L1CAM: variants seen among roughly 807,000 people sequenced by gnomAD.
L1CAM encodes the protein neural cell adhesion molecule L1.
In L1CAM, 8 loss-of-function variants were observed where a neutral mutation model predicts 93.0. The ratio of observed to expected loss-of-function variants is 0.09; its 90% confidence interval spans 0.05 to 0.16. The LOEUF (loss-of-function observed/expected upper bound fraction) is 0.16. L1CAM is among the 10% of genes least tolerant of loss of function. The pLI is 1.00. For missense variants in L1CAM, 777 were observed against 1,073.4 expected (o/e 0.72, Z 3.86); for synonymous variants, 453 against 453.0 (o/e 1.00, Z 0.00).
At chrX:153,878,943 C>A (rs897518329) in intron 1 of L1CAM, among the ~76,000 whole-genome samples, 1 of 111,178 alleles carries the variant, frequency 9.0e-6, no homozygotes, top group African/African-American at 3.3e-5. Context: ...AGCTTGCCAC[C>A]GCCCTGGGCA....
chrX:153,870,353 C>G (rs1557092693), intron 8 of L1CAM, 35 bp downstream of exon 8: 1 of 1,179,097 alleles, frequency 8.5e-7, no homozygotes, highest in South Asian at 1.8e-5. Context: ...CGCCACCCTG[C>G]CCTGCCCTGC....
At chrX:153,870,719 C>T (rs1437074735) in intron 7 of L1CAM, 71 bp downstream of exon 7, 6 of 1,076,170 alleles carry the variant, frequency 5.6e-6, no homozygotes, top group South Asian at 1.9e-5. Context: ...GTCAGATGGA[C>T]CTATGGTGGG....
chrX:153,884,460 T>C, intron 1 of L1CAM: 1 of 244,708 alleles, frequency 4.1e-6, no homozygotes, highest in Non-Finnish European at 7.7e-6. Flanking sequence ...ATCAGATCAC[T>C]AGCGATTCTT....
At chrX:153,879,770 G>C (rs1183756619) in intron 1 of L1CAM, among the ~76,000 whole-genome samples, 1 of 108,159 alleles carries the variant, frequency 9.2e-6, no homozygotes, top group Non-Finnish European at 1.9e-5. Flanking sequence ...GGGGATTCCT[G>C]CTGCGGGTAG....
chrX:153,870,316 G>A (rs1315511169), intron 8 of L1CAM, 72 bp downstream of exon 8: 7 of 1,171,688 alleles, frequency 6.0e-6, no homozygotes, highest in Admixed American at 4.4e-5. Flanking sequence ...TATACCCCGC[G>A]GTGGTCTGAG....
At chrX:153,882,569 A>G (rs1557095911) in intron 1 of L1CAM, among the ~76,000 whole-genome samples, 1 of 108,670 alleles carries the variant, frequency 9.2e-6, no homozygotes, top group Non-Finnish European at 1.9e-5. Context: ...AACCCCATAC[A>G]TGCAGATAGG....
At chrX:153,872,015 G>A in intron 5 of L1CAM, 137 bp downstream of exon 5, 1 of 515,062 alleles carries the variant, frequency 1.9e-6, no homozygotes, top group South Asian at 2.7e-5. Flanking sequence ...GGCCAGGGGA[G>A]AAGCTGGGGT....
intron 12 of L1CAM, 55 bp from the exon 13 acceptor site, chrX:153,868,782 TC>T (rs1250454300): frequency 1.0e-5 from 12 of 1,195,888 alleles, no homozygotes; most frequent in South Asian, 1.8e-5. Context: ...CTCCCTGCCC[TC>T]CCTGGCTCCC....
Position 153,872,579 on chromosome X carries a change from A to C in L1CAM, c.197+13T>G. 1 of 1,173,526 alleles carries C rather than the reference A, an allele frequency of 8.5e-7. No individual in the cohort carries two copies. Among genetic ancestry groups the C allele is most frequent in the Non-Finnish European group, 1.2e-6 (1 of 860,596 alleles). ...GGCAGGCAACAGGGGCTGAGACGGC[A>C]GAGATCACTCACTGCACTTCGGGCT... On this transcript the variant is annotated intron_variant, in intron 4 of 28. Coordinates refer to ENST00000370060, the MANE Select transcript of L1CAM (RefSeq NM_001278116.2).
intron 19 of L1CAM, among the ~76,000 whole-genome samples, chrX:153,866,182 G>A (rs941044264): frequency 3.7e-5 from 4 of 109,239 alleles, no homozygotes; most frequent in African/African-American, 1.0e-4. Flanking sequence ...GTGTGGTGGC[G>A]CGTGCCTGTA....
chrX:153,867,387 C>T lies in L1CAM; in HGVS notation c.2106G>A (p.Pro702=), dbSNP rs200561489. 47 of 1,208,385 alleles carry T rather than the reference C, an allele frequency of 3.9e-5. No homozygotes were observed. Among genetic ancestry groups the T allele is most frequent in the Non-Finnish European group, 4.5e-5 (40 of 894,542 alleles). ...INKYGPGEPS[P]VSETVVTPEA... Reference sequence around the variant, plus strand: ...CAGGTGTGACCACAGTCTCAGAGACCGGGCTGGGCTCCCCGGGGCCATATT... The same window carrying T: ...CAGGTGTGACCACAGTCTCAGAGACTGGGCTGGGCTCCCCGGGGCCATATT... The change falls in exon 17 of 29, where the codon CCG becomes CCA. Residue 702 remains proline, a synonymous_variant. Transcript: ENST00000370060.
chrX:153,863,313 A>G, intron 28 of L1CAM, 55 bp downstream of exon 28: 1 of 1,165,224 alleles, frequency 8.6e-7, no homozygotes, highest in Non-Finnish European at 1.2e-6. Context: ...CACCAGGCGC[A>G]CATTGTCTAT....
At position 153,867,519 on chromosome X, in the gene L1CAM, C is replaced by T. The variant is rs199702463; in HGVS notation, c.1974G>A (p.Ala658=). The change falls in exon 17 of 29, where the codon GCG becomes GCA. Residue 658 remains alanine, a synonymous_variant. Coordinates refer to ENST00000370060, the MANE Select transcript of L1CAM (RefSeq NM_001278116.2). ...TGCCCAGACTGTACCATTTTTCAGGCGCCATTTCCTTGTCCTCAAATTCAA... is the reference window on the plus strand; with the variant it reads ...TGCCCAGACTGTACCATTTTTCAGGTGCCATTTCCTTGTCCTCAAATTCAA... The part of the protein sequence containing the change: ...YDIEFEDKEM[A]PEKWYSLGKV... 1.9e-5 allele frequency: 23 copies of T among 1,209,652 alleles called. No individual in the cohort carries two copies. In the African/African-American group the frequency reaches 2.1e-4, roughly 11 times the overall value.
At chrX:153,882,744 C>A (rs1557095956) in intron 1 of L1CAM, among the ~76,000 whole-genome samples, 2 of 111,308 alleles carry the variant, frequency 1.8e-5, no homozygotes, top group Non-Finnish European at 3.8e-5. Context: ...CCACCCAACC[C>A]CTGGCCCTCG....
At chrX:153,869,977 C>A in intron 9 of L1CAM, 43 bp from the exon 10 acceptor site, 2 of 1,210,072 alleles carry the variant, frequency 1.7e-6, no homozygotes, top group Non-Finnish European at 2.2e-6. Context: ...CAGCCAGCAG[C>A]TGGCTCTTGA....
intron 4 of L1CAM, 60 bp from the exon 5 acceptor site, chrX:153,872,414 G>A (rs1354157145): frequency 1.8e-6 from 2 of 1,108,917 alleles, no homozygotes; most frequent in Non-Finnish European, 2.5e-6. Flanking sequence ...GGCTGGAACA[G>A]GCTGGAGGGA....
chrX:153,868,370 G>A lies in L1CAM; in HGVS notation c.1635C>T (p.Pro545=), dbSNP rs1557091792. 2 of 1,211,824 alleles carry A rather than the reference G, an allele frequency of 1.7e-6. No individual in the cohort carries two copies. The highest frequency in any genetic ancestry group is 2.2e-6 in the Non-Finnish European group (2 of 895,422). The change falls in exon 14 of 29, where the codon CCC becomes CCT. Residue 545 remains proline (P), a synonymous_variant. Coordinates refer to ENST00000370060, the MANE Select transcript of L1CAM (RefSeq NM_001278116.2). ...VTFTCQASFD[P]SLQPSITWRG... is the part of the protein sequence containing the mutation. ...GCCAGGTGATGCTGGGCTGCAAGGA[G>A]GGGTCAAAGGAGGCCTGGCACGTGA...
chrX:153,870,522 T>G, intron 7 of L1CAM, 23 bp from the exon 8 acceptor site: 1 of 1,134,622 alleles, frequency 8.8e-7, no homozygotes, highest in Non-Finnish European at 1.2e-6. Flanking sequence ...AGTGGGTGGG[T>G]GGGCTGCCCA....
Position 153,869,941 on chromosome X carries a change from G to A in L1CAM, c.992-7C>T, listed in dbSNP as rs1289211585. 2.5e-6 allele frequency: 3 copies of A among 1,209,766 alleles called. No homozygotes were observed. The highest frequency in any genetic ancestry group is 1.7e-5 in the African/African-American group (1 of 57,897). ...TGCAGCCAGTACGGGGCAGCTGGGAGGAAGGGGAGAGCCGCCCTGAGCCCG... is the reference window on the plus strand; with the variant it reads ...TGCAGCCAGTACGGGGCAGCTGGGAAGAAGGGGAGAGCCGCCCTGAGCCCG... On this transcript the variant is annotated splice_polypyrimidine_tract_variant and splice_region_variant and intron_variant, in intron 9 of 28. Coordinates refer to ENST00000370060, the MANE Select transcript of L1CAM (RefSeq NM_001278116.2).
Sources: gnomAD v4.1 joint callset for allele counts (sites outside exome capture counted in the v4.1 genomes callset) on GRCh38, gnomAD v4.1.1 for gene constraint, MANE v1.5 for transcripts, NCBI Gene and HGNC (gene_info 2026-07-23, HGNC 2026-07-21) for gene names.